SHROOM3: variants seen among roughly 807,000 people sequenced by gnomAD.
The protein encoded by SHROOM3 is protein Shroom3.
SHROOM3 carries 47 observed loss-of-function variants against 138.6 expected under a neutral mutation model. The observed-to-expected ratio is 0.34, with a 90% CI of 0.27 to 0.43. The LOEUF (loss-of-function observed/expected upper bound fraction) is 0.43, where lower values mean the gene tolerates loss of function less well. SHROOM3 is among the 20% of genes least tolerant of loss of function. SHROOM3 has a pLI of 1.00. For synonymous variants in SHROOM3, 1,062 were observed against 1,063.3 expected (o/e 1.00, Z 0.02); for missense variants, 2,491 against 2,596.5 (o/e 0.96, Z 0.88).
At chr4:76,506,422 T>G (rs1271882056) in intron 1 of SHROOM3, among the ~76,000 whole-genome samples, 1 of 152,098 alleles carries the variant, frequency 6.6e-6, no homozygotes, top group Non-Finnish European at 1.5e-5. Context: ...AGGATGTGTG[T>G]GTGTCATATG....
At chr4:76,481,639 T>G (rs1393726515) in intron 1 of SHROOM3, among the ~76,000 whole-genome samples, 1 of 152,008 alleles carries the variant, frequency 6.6e-6, no homozygotes, top group African/African-American at 2.4e-5. Flanking sequence ...TAACTCATGT[T>G]TAACTCATTT....
At chr4:76,542,079 C>T (rs1443543780) in intron 1 of SHROOM3, among the ~76,000 whole-genome samples, 1 of 152,152 alleles carries the variant, frequency 6.6e-6, no homozygotes, top group African/African-American at 2.4e-5. Context: ...TAAAGGCCAA[C>T]AGCATTTATT....
At chr4:76,513,563 C>G (rs1478239185) in intron 1 of SHROOM3, among the ~76,000 whole-genome samples, 2 of 152,198 alleles carry the variant, frequency 1.3e-5, no homozygotes, top group African/African-American at 4.8e-5. Flanking sequence ...ACCCACCCGT[C>G]TCGGCCTTCC....
intron 1 of SHROOM3, chr4:76,509,692 G>C (rs1732291114): frequency 2.6e-5 from 4 of 152,116 alleles, no homozygotes; most frequent in African/African-American, 7.2e-5. Context: ...CCTTGTGGCA[G>C]GTGTGGACTC....
chr4:76,727,895 A>AAAAAAAAAAAAAAAAAAAAAAC (rs1720757479), intron 3 of SHROOM3, among the ~76,000 whole-genome samples: 1 of 150,518 alleles, frequency 6.6e-6, no homozygotes, highest in East Asian at 2.0e-4. Flanking sequence ...CTCAAAAAAA[A>AAAAAAAAAAAAAAAAAAAAAAC]AGGTTGATTC....
At chr4:76,599,214 G>T (rs981261930) in intron 2 of SHROOM3, among the ~76,000 whole-genome samples, 1 of 152,110 alleles carries the variant, frequency 6.6e-6, no homozygotes, top group African/African-American at 2.4e-5. Flanking sequence ...AACAATAAAA[G>T]CGTTCTTTAT....
At chr4:76,505,452 A>G (rs1419946965) in intron 1 of SHROOM3, among the ~76,000 whole-genome samples, 2 of 152,152 alleles carry the variant, frequency 1.3e-5, no homozygotes, top group Non-Finnish European at 2.9e-5. Flanking sequence ...TTCTCCAGGC[A>G]TGGCTGTACC....
chr4:76,526,485 G>A (rs957698472), intron 1 of SHROOM3, among the ~76,000 whole-genome samples: 6 of 152,178 alleles, frequency 3.9e-5, no homozygotes, highest in African/African-American at 1.4e-4. Flanking sequence ...GAAAGAGTAG[G>A]AACTTGAAAA....
chr4:76,754,233 A>T, intron 6 of SHROOM3, 78 bp from the exon 7 acceptor site: 1 of 1,572,336 alleles, frequency 6.4e-7, no homozygotes, highest in Non-Finnish European at 8.7e-7. Context: ...TGCTTTTCTC[A>T]TCTATGTAAG....
At chr4:76,557,506 A>G (rs1208382989) in intron 2 of SHROOM3, among the ~76,000 whole-genome samples, 1 of 152,138 alleles carries the variant, frequency 6.6e-6, no homozygotes, top group East Asian at 1.9e-4. Context: ...ACAAACTTTT[A>G]GTTATAAGAT....
chr4:76,620,761 G>T (rs1237273369), intron 2 of SHROOM3, among the ~76,000 whole-genome samples: 1 of 152,114 alleles, frequency 6.6e-6, no homozygotes, highest in Non-Finnish European at 1.5e-5. Flanking sequence ...GAAAAGATGG[G>T]AACTTAGGGT....
intron 1 of SHROOM3, among the ~76,000 whole-genome samples, chr4:76,495,303 C>T (rs1731941269): frequency 6.6e-6 from 1 of 152,208 alleles, no homozygotes; most frequent in African/African-American, 2.4e-5. Context: ...GCTGCACTCT[C>T]TTGTGGAAAA....
At chr4:76,532,024 A>G (rs1232848041) in intron 1 of SHROOM3, among the ~76,000 whole-genome samples, 1 of 150,714 alleles carries the variant, frequency 6.6e-6, no homozygotes, top group African/African-American at 2.4e-5. Context: ...CGTCATTTAC[A>G]TTAGGTATAT....
intron 10 of SHROOM3, among the ~76,000 whole-genome samples, chr4:76,775,396 T>C (rs1722519920): frequency 6.6e-6 from 1 of 151,392 alleles, no homozygotes; most frequent in Non-Finnish European, 1.5e-5. Flanking sequence ...TAAAAAAAAA[T>C]ACATGTTGGC....
At chr4:76,446,663 A>G (rs1730811919) in intron 1 of SHROOM3, among the ~76,000 whole-genome samples, 1 of 152,208 alleles carries the variant, frequency 6.6e-6, no homozygotes, top group South Asian at 2.1e-4. Context: ...GACTGAAACC[A>G]GTTAAAAGAG....
At chr4:76,572,166 A>G (rs1218739773) in intron 2 of SHROOM3, among the ~76,000 whole-genome samples, 3 of 152,196 alleles carry the variant, frequency 2.0e-5, no homozygotes, top group African/African-American at 4.8e-5. Flanking sequence ...AATCTTTGAC[A>G]TGGCTAAGAA....
intron 3 of SHROOM3, among the ~76,000 whole-genome samples, chr4:76,715,213 G>T (rs1720339467): frequency 6.6e-6 from 1 of 152,078 alleles, no homozygotes; most frequent in African/African-American, 2.4e-5. Context: ...CCTTCATTGT[G>T]GAGAAAATAG....
intron 5 of SHROOM3, among the ~76,000 whole-genome samples, chr4:76,748,275 T>C (rs1721506596): frequency 6.6e-6 from 1 of 152,222 alleles, no homozygotes; most frequent in African/African-American, 2.4e-5. Flanking sequence ...TTAGAGATTA[T>C]ATATGGATTT....
At chr4:76,534,867 C>T (rs1243228294) in intron 1 of SHROOM3, among the ~76,000 whole-genome samples, 1 of 146,846 alleles carries the variant, frequency 6.8e-6, no homozygotes, top group Non-Finnish European at 1.5e-5. Context: ...TAACATGACA[C>T]AAGCTCTGCT....
Sources: gnomAD v4.1 joint callset for allele counts (sites outside exome capture counted in the v4.1 genomes callset) on GRCh38, gnomAD v4.1.1 for gene constraint, MANE v1.5 for transcripts, NCBI Gene and HGNC (gene_info 2026-07-23, HGNC 2026-07-21) for gene names.